TRAPPC11: variants seen among roughly 807,000 people sequenced by gnomAD.
TRAPPC11 encodes foie gras homolog.
In TRAPPC11, 104 loss-of-function variants were observed where a neutral mutation model predicts 151.2. That is an observed-to-expected ratio of 0.69 (90% confidence interval 0.59 to 0.81). The LOEUF is 0.81. TRAPPC11 is among the 30% of genes least tolerant of loss of function. The pLI is 0.00. For synonymous variants in TRAPPC11, 456 were observed against 472.3 expected, an observed-to-expected ratio of 0.97 and a Z score of 0.45; for missense variants, 1,230 against 1,349.6, an observed-to-expected ratio of 0.91 and a Z score of 1.39.
At chr4:183,669,720 A>G (rs1369627157) in intron 5 of TRAPPC11, among the ~76,000 whole-genome samples, 3 of 152,158 alleles carry the variant, frequency 2.0e-5, no homozygotes, top group African/African-American at 7.2e-5. Flanking sequence ...CACACACTCT[A>G]CAGCGTACAG....
Position 183,712,813 on chromosome 4 carries a change from A to C in TRAPPC11, c.*169A>C, listed in dbSNP as rs1737397533. On this transcript the variant is annotated 3_prime_UTR_variant, in exon 30 of 30. Transcript: ENST00000334690. ...ACTCATACTTCAAAAATATTAGGAA[A>C]ATCTGTCTTATAGTTTCTCTAATAA... 5.6e-6 allele frequency: 3 copies of C among 537,874 alleles called. No individual in the cohort carries two copies. The East Asian group carries it at 9.0e-5, about 16-fold the overall frequency. 33.3% of individuals were successfully genotyped at this position (537,874 alleles called of 1,614,324 possible).
chr4:183,664,138 T>A lies in TRAPPC11; in HGVS notation c.204+67T>A. 3 of 1,398,380 alleles carry A rather than the reference T, an allele frequency of 2.1e-6. No individual in the cohort carries two copies. In the South Asian group the frequency reaches 3.5e-5, roughly 16 times the overall value. The allele number at this position is 1,398,380 out of a possible 1,614,324, so 86.6% of individuals were successfully genotyped here. On this transcript the variant is annotated intron_variant, in intron 2 of 29. Coordinates refer to ENST00000334690, the MANE Select transcript of TRAPPC11 (RefSeq NM_021942.6). ...TCTATGTGTGTGTGTGTGTCTTTTTTGTTCTGTTGTGTGTGTGGAGTTTAT... is the reference window on the plus strand; with the variant it reads ...TCTATGTGTGTGTGTGTGTCTTTTTAGTTCTGTTGTGTGTGTGGAGTTTAT...
chr4:183,693,399 T>C (rs897687953), intron 20 of TRAPPC11, among the ~76,000 whole-genome samples, 190 bp from the exon 21 acceptor site: 1 of 152,094 alleles, frequency 6.6e-6, no homozygotes, highest in Admixed American at 6.5e-5. Context: ...GAGATGAGGG[T>C]CTTACTATGC....
intron 23 of TRAPPC11, among the ~76,000 whole-genome samples, chr4:183,695,410 G>A (rs1188919919): frequency 6.6e-6 from 1 of 152,112 alleles, no homozygotes; most frequent in East Asian, 1.9e-4. Flanking sequence ...GGTAAAAATT[G>A]TTTTCGGTAA....
intron 23 of TRAPPC11, among the ~76,000 whole-genome samples, chr4:183,695,627 G>A (rs186306821): frequency 6.6e-6 from 1 of 152,022 alleles, no homozygotes; most frequent in Non-Finnish European, 1.5e-5. Flanking sequence ...TATCTTCTTG[G>A]TCCTGACAGT....
At chr4:183,698,869 GA>G (rs1475319888) in intron 25 of TRAPPC11, among the ~76,000 whole-genome samples, 1 of 152,138 alleles carries the variant, frequency 6.6e-6, no homozygotes, top group East Asian at 1.9e-4. Context: ...AAACTGCAGA[GA>G]AAAACTACAC....
At chr4:183,682,686 G>T in intron 10 of TRAPPC11, 46 bp from the exon 11 acceptor site, 2 of 1,345,632 alleles carry the variant, frequency 1.5e-6, no homozygotes, top group South Asian at 1.5e-5. Context: ...GTTGATTTGC[G>T]ATGAGTTCCA....
chr4:183,685,489 G>T, intron 17 of TRAPPC11, 86 bp downstream of exon 17: 1 of 1,449,838 alleles, frequency 6.9e-7, no homozygotes, highest in Non-Finnish European at 9.4e-7. Flanking sequence ...AAATATAAAA[G>T]TCAAGAAAGA....
At chr4:183,692,903 A>AGAT in intron 19 of TRAPPC11, 57 bp from the exon 20 acceptor site, 1 of 1,486,098 alleles carries the variant, frequency 6.7e-7, no homozygotes, top group Non-Finnish European at 9.1e-7. Flanking sequence ...TGGTGAGAGG[A>AGAT]GATGGTGACA....
intron 27 of TRAPPC11, chr4:183,705,955 TA>T (rs1252426564): frequency 3.9e-5 from 6 of 152,172 alleles, no homozygotes. Flanking sequence ...AGCATACATG[TA>T]AATGGGACTG....
At chr4:183,681,471 A>G (rs1409105895) in intron 10 of TRAPPC11, among the ~76,000 whole-genome samples, 2 of 152,216 alleles carry the variant, frequency 1.3e-5, no homozygotes, top group African/African-American at 4.8e-5. Context: ...GCATTAATAA[A>G]TATCATTGGT....
intron 4 of TRAPPC11, among the ~76,000 whole-genome samples, chr4:183,667,684 G>A (rs1338246369): frequency 2.6e-5 from 4 of 152,096 alleles, no homozygotes. Context: ...AAATGGTTTT[G>A]GAGACTTCTT....
intron 27 of TRAPPC11, chr4:183,706,174 C>T (rs1006618152): frequency 6.6e-6 from 1 of 152,168 alleles, no homozygotes; most frequent in African/African-American, 2.4e-5. Context: ...ACAGCTTTTG[C>T]TTATTCTAGT....
chr4:183,701,833 T>C (rs1373788254), intron 26 of TRAPPC11, 25 bp downstream of exon 26: 13 of 1,378,216 alleles, frequency 9.4e-6, no homozygotes, highest in Non-Finnish European at 1.3e-5. Context: ...AATCCTGTCT[T>C]TTCTTCAATG....
intron 20 of TRAPPC11, 31 bp from the exon 21 acceptor site, chr4:183,693,558 T>C: frequency 6.4e-7 from 1 of 1,571,688 alleles, no homozygotes; most frequent in South Asian, 1.2e-5. Context: ...TTTTTTTTGA[T>C]CAGTTACTTA....
intron 29 of TRAPPC11, among the ~76,000 whole-genome samples, chr4:183,708,892 T>G (rs1737208974): frequency 6.6e-6 from 1 of 152,262 alleles, no homozygotes; most frequent in South Asian, 2.1e-4. Flanking sequence ...GAATTAACTT[T>G]AAATATCCTT....
At chr4:183,666,601 CT>C (rs1419401603) in intron 3 of TRAPPC11, among the ~76,000 whole-genome samples, 175 bp downstream of exon 3, 3 of 152,196 alleles carry the variant, frequency 2.0e-5, no homozygotes, top group Non-Finnish European at 1.5e-5. Context: ...GTATATAATG[CT>C]GGGTACGTGA....
Position 183,686,659 on chromosome 4 carries a change from G to A in TRAPPC11, c.1804G>A (p.Asp602Asn). The change falls in exon 18 of 30, where the codon GAT becomes AAT. Residue 602 changes from aspartate to asparagine, a missense_variant. By Grantham distance (23) the Asp-to-Asn change is conservative (BLOSUM62 1). Coordinates refer to ENST00000334690, the MANE Select transcript of TRAPPC11 (RefSeq NM_021942.6). ...AKFHAPSFHV[D>N]VPVQFDIYLK... ...GTTTCATGCCCCAAGTTTTCATGTTGATGTTCCTGTTCAGTTTGATATTTA... is the reference window on the plus strand; with the variant it reads ...GTTTCATGCCCCAAGTTTTCATGTTAATGTTCCTGTTCAGTTTGATATTTA... The A allele has an allele frequency of 6.2e-7, 1 of 1,614,038 alleles. No individual in the cohort carries two copies. Among genetic ancestry groups the A allele is most frequent in the Admixed American group, 1.7e-5 (1 of 60,008 alleles).
At position 183,666,296 on chromosome 4, in the gene TRAPPC11, A is replaced by G; in HGVS notation, c.244A>G (p.Lys82Glu). The change falls in exon 3 of 30, where the codon AAG (lysine) becomes GAG (glutamate). Residue 82 changes from lysine to glutamate, a missense_variant. Lys to Glu is a moderately conservative substitution (Grantham distance 56). Transcript: ENST00000334690. ...YEWYIPKGIL[K>E]TGWMNKHLNL... is the part of the protein sequence containing the mutation. ...GTGGTACATTCCTAAAGGGATCTTAAAGACTGGCTGGATGAATAAGCATCT... is the reference window on the plus strand; with the variant it reads ...GTGGTACATTCCTAAAGGGATCTTAGAGACTGGCTGGATGAATAAGCATCT... The G allele has an allele frequency of 6.2e-7, 1 of 1,614,186 alleles. No individual in the cohort carries two copies. Among genetic ancestry groups the G allele is most frequent in the Non-Finnish European group, 8.5e-7 (1 of 1,180,026 alleles).
Sources: gnomAD v4.1 joint callset for allele counts (sites outside exome capture counted in the v4.1 genomes callset) on GRCh38, gnomAD v4.1.1 for gene constraint, MANE v1.5 for transcripts, NCBI Gene and HGNC (gene_info 2026-07-23, HGNC 2026-07-21) for gene names.